The following ABLIM1 variants were observed in gnomAD, a reference collection of about 807,000 sequenced individuals.
The protein encoded by ABLIM1 is actin binding LIM protein 1.
ABLIM1 carries 40 observed loss-of-function variants against 107.0 expected under a neutral mutation model. The observed-to-expected ratio is 0.37, with a 90% CI of 0.29 to 0.49. The LOEUF (loss-of-function observed/expected upper bound fraction) is 0.49. Among genes scored for constraint, ABLIM1 ranks in the 20% least tolerant of loss-of-function variants. The pLI is 0.97. For synonymous variants in ABLIM1, 357 were observed against 357.3 expected (o/e 1.00, Z 0.01); for missense variants, 857 against 1,008.5 (o/e 0.85, Z 2.04).
rs552518725 is a variant in ABLIM1, at chr10:114,510,495, C to T, written c.895-18617G>A. Among the ~76,000 whole-genome samples, 136 of 152,094 alleles carry T rather than the reference C, an allele frequency of 8.9e-4. 3 individuals carry two copies. Among genetic ancestry groups the T allele is most frequent in the African/African-American group, 3.2e-3 (131 of 41,382 alleles). ...GACTTTAATTTCTTGGGAACAAGGA[C>T]ATTGTCTCATTCATTTTTTGTATTT... On this transcript the variant is annotated intron_variant, in intron 6 of 22. Transcript: ENST00000533213.
chr10:114,697,272 G>C (rs1047330440), intron 1 of ABLIM1, among the ~76,000 whole-genome samples: 1 of 152,212 alleles, frequency 6.6e-6, no homozygotes, highest in Non-Finnish European at 1.5e-5. Context: ...GAGAATTTAA[G>C]TGGCACTCAT....
At chr10:114,523,869 A>G (rs1175279199) in intron 6 of ABLIM1, among the ~76,000 whole-genome samples, 2 of 152,162 alleles carry the variant, frequency 1.3e-5, no homozygotes, top group East Asian at 3.9e-4. Flanking sequence ...TAGACCTAAA[A>G]TGCTCACATT....
At position 114,601,943 on chromosome 10, in the gene ABLIM1, G is replaced by C; in HGVS notation, c.263C>G (p.Pro88Arg). Reference protein sequence around the residue: ...VDPFVAHPQDPHHPSEKPVIH... With the variant: ...VDPFVAHPQDRHHPSEKPVIH... Reference sequence around the variant, plus strand: ...GACAGGCTTCTCTGATGGGTGGTGAGGGTCCTGAGGGTGGGCCACTGAAAG... The same window carrying C: ...GACAGGCTTCTCTGATGGGTGGTGACGGTCCTGAGGGTGGGCCACTGAAAG... The change falls in exon 2 of 23, where the codon CCT becomes CGT. Residue 88 changes from proline to arginine, a missense_variant. Pro to Arg is a moderately radical substitution (Grantham distance 103, BLOSUM62 -2). Transcript: ENST00000533213. 1 of 1,614,168 alleles carries C rather than the reference G, an allele frequency of 6.2e-7. No homozygotes were observed. Among genetic ancestry groups the C allele is most frequent in the Non-Finnish European group, 8.5e-7 (1 of 1,180,014 alleles).
At position 114,463,125 on chromosome 10, in the gene ABLIM1, C is replaced by T. The variant is rs765164521; in HGVS notation, c.1441+2573G>A. The T allele has an allele frequency of 1.4e-5, 19 of 1,317,524 alleles. No individual in the cohort carries two copies. In the Admixed American group the frequency reaches 2.2e-4, roughly 15 times the overall value. The allele number at this position is 1,317,524 out of a possible 1,614,324, so 81.6% of individuals were successfully genotyped here. On this transcript the variant is annotated intron_variant, in intron 12 of 22. Transcript: ENST00000533213. ...GTGGGTGGGGCTGAGGCTGCTGGTG[C>T]GCAGGTACGACAACCTCTGCACACC...
rs1385342101 is a variant in ABLIM1 at position 114,432,779 on chromosome 10, GA to G, written c.*3480del. ...TAGATGCTAGAGCCCATGACAGATA[GA>G]AAACTACCCCCATTTAAAAAAAAAC... On this transcript the variant is annotated 3_prime_UTR_variant, in exon 23 of 23. Coordinates refer to ENST00000533213, the MANE Select transcript of ABLIM1 (RefSeq NM_002313.7). 6.6e-6 allele frequency: 1 copy of G among 151,954 alleles called. No homozygotes were observed. The highest frequency in any genetic ancestry group is 1.5e-5 in the Non-Finnish European group (1 of 68,008). The allele number at this position is 151,954 out of a possible 1,614,324, so 9.4% of individuals were successfully genotyped here.
the ABLIM1 span, among the ~76,000 whole-genome samples, chr10:114,798,971 T>G: frequency 6.6e-6 from 1 of 152,000 alleles, no homozygotes; most frequent in Non-Finnish European, 1.5e-5. Flanking sequence ...AGTTTTTTTA[T>G]TTTTAGTAGA....
Position 114,443,888 on chromosome 10 carries a change from T to C in ABLIM1, c.1933+141A>G. 4.6e-6 allele frequency: 3 copies of C among 654,896 alleles called. No individual in the cohort carries two copies. The East Asian group carries it at 8.0e-5, about 17-fold the overall frequency. 40.6% of individuals were successfully genotyped at this position (654,896 alleles called of 1,614,324 possible). A position where few individuals can be genotyped will look rare whatever the true frequency, so the allele number is the denominator to read the frequency against. On this transcript the variant is annotated intron_variant, in intron 17 of 22. Transcript: ENST00000533213. ...GACCCATGACATGCTTATGAGCTCA[T>C]TTGACATGGAGTGGGTTTCCCACAC...
intron 8 of ABLIM1, among the ~76,000 whole-genome samples, chr10:114,475,877 C>T (rs534953613): frequency 6.6e-6 from 1 of 152,146 alleles, no homozygotes; most frequent in Non-Finnish European, 1.5e-5. Context: ...TCTGTTGCAG[C>T]CATTTCCTAA....
At chr10:114,723,179 G>C (rs907943303) in intron 1 of ABLIM1, among the ~76,000 whole-genome samples, 1 of 152,158 alleles carries the variant, frequency 6.6e-6, no homozygotes, top group African/African-American at 2.4e-5. Flanking sequence ...ATTTTGGTGA[G>C]GGAGAGAAAC....
rs180982451 is a variant in ABLIM1, at chr10:114,574,891, G to A, written c.563+525C>T. On this transcript the variant is annotated intron_variant, in intron 3 of 22. Coordinates refer to ENST00000533213, the MANE Select transcript of ABLIM1 (RefSeq NM_002313.7). ...CTTTGCGGACCATATGGTCTCTGTCGCAATGACTCAACTCTGTTGTTGCAG... is the reference window on the plus strand; with the variant it reads ...CTTTGCGGACCATATGGTCTCTGTCACAATGACTCAACTCTGTTGTTGCAG... Among the ~76,000 whole-genome samples the A allele has an allele frequency of 2.0e-3, 311 of 152,200 alleles. 2 individuals are homozygous for A. The highest frequency in any genetic ancestry group is 7.2e-3 in the African/African-American group (298 of 41,530).
At chr10:114,591,673 A>C (rs1326902452) in intron 2 of ABLIM1, among the ~76,000 whole-genome samples, 1 of 152,214 alleles carries the variant, frequency 6.6e-6, no homozygotes, top group African/African-American at 2.4e-5. Context: ...ACTGAAACCA[A>C]GTCTTAGCGA....
At chr10:114,561,345 A>G (rs780572289) in intron 4 of ABLIM1, among the ~76,000 whole-genome samples, 2 of 152,252 alleles carry the variant, frequency 1.3e-5, no homozygotes, top group Non-Finnish European at 2.9e-5. Context: ...CTGTCACTTA[A>G]TACACACATG....
chr10:114,716,590 T>C (rs760330900), intron 1 of ABLIM1, among the ~76,000 whole-genome samples: 1 of 152,208 alleles, frequency 6.6e-6, no homozygotes, highest in Non-Finnish European at 1.5e-5. Flanking sequence ...CCACTTGATA[T>C]ACTTCATCTG....
chr10:114,490,673 A>G (rs898647264), intron 7 of ABLIM1, among the ~76,000 whole-genome samples: 6 of 152,078 alleles, frequency 3.9e-5, no homozygotes, highest in Admixed American at 2.0e-4. Flanking sequence ...TGACTAGAAG[A>G]GAATCCTCTC....
At chr10:114,777,324 T>C in the ABLIM1 span, among the ~76,000 whole-genome samples, 2 of 152,186 alleles carry the variant, frequency 1.3e-5, no homozygotes, top group Non-Finnish European at 2.9e-5. Flanking sequence ...TCTTTTCATG[T>C]TTTTCCATAT....
intron 8 of ABLIM1, 21 bp downstream of exon 8, chr10:114,487,937 A>T: frequency 1.2e-6 from 2 of 1,613,874 alleles, no homozygotes; most frequent in Non-Finnish European, 1.7e-6. Flanking sequence ...AGCTGGCATC[A>T]TGTTTTAATT....
At chr10:114,787,349 G>A in the ABLIM1 span, among the ~76,000 whole-genome samples, 1 of 150,624 alleles carries the variant, frequency 6.6e-6, no homozygotes. Context: ...CAGCCACCCC[G>A]TCTGGGAAGT....
chr10:114,613,316 T>C (rs113822580), intron 1 of ABLIM1, among the ~76,000 whole-genome samples: 11 of 152,198 alleles, frequency 7.2e-5, no homozygotes, highest in Admixed American at 2.6e-4. Flanking sequence ...ACCCCTGCAG[T>C]GGGGAGCTCT....
intron 6 of ABLIM1, among the ~76,000 whole-genome samples, chr10:114,542,834 G>A (rs952182173): frequency 1.3e-5 from 2 of 152,202 alleles, no homozygotes; most frequent in South Asian, 2.1e-4. Flanking sequence ...CACTCTGAGC[G>A]CTGTGATGGG....
Sources: gnomAD v4.1 joint callset for allele counts (sites outside exome capture counted in the v4.1 genomes callset) on GRCh38, gnomAD v4.1.1 for gene constraint, MANE v1.5 for transcripts, NCBI Gene and HGNC (gene_info 2026-07-23, HGNC 2026-07-21) for gene names.